Variants in DCC observed in about 807,000 individuals in gnomAD.
DCC encodes DCC netrin 1 receptor.
DCC carries 58 observed loss-of-function variants against 172.5 expected under a neutral mutation model. The ratio of observed to expected loss-of-function variants is 0.34; its 90% CI spans 0.27 to 0.42. DCC has a LOEUF of 0.42. Ranked by LOEUF, DCC falls within the 10% of genes least tolerant of loss-of-function variation. DCC has a pLI of 1.00. For synonymous variants in DCC, 709 were observed against 644.5 expected, an observed-to-expected ratio of 1.10 and a Z score of -1.52; for missense variants, 1,740 against 1,791.0, an observed-to-expected ratio of 0.97 and a Z score of 0.51.
chr18:52,667,868 G>T (rs563441645), intron 1 of DCC, among the ~76,000 whole-genome samples: 4 of 152,330 alleles, frequency 2.6e-5, no homozygotes, highest in Middle Eastern at 6.8e-3. Flanking sequence ...CTTGATAAAG[G>T]CTGGTAAGAG....
At chr18:53,027,050 C>CAT (rs1288612895) in intron 5 of DCC, among the ~76,000 whole-genome samples, 1 of 152,108 alleles carries the variant, frequency 6.6e-6, no homozygotes, top group Non-Finnish European at 1.5e-5. Flanking sequence ...AAAAATACAA[C>CAT]ATAAATGCTA....
rs1240803168 is a variant in DCC, at chr18:52,466,212, C to G, written c.91+125334C>G. Among the ~76,000 whole-genome samples the G allele has an allele frequency of 3.3e-5, 5 of 152,246 alleles. No individual in the cohort carries two copies. The East Asian group carries it at 9.7e-4, about 29-fold the overall frequency. ...CTGCTTTATAGACGTTTTGTCTGGT[C>G]TAGTTCCATGCTCCTCAAAAAGGGA... On this transcript the variant is annotated intron_variant, in intron 1 of 28. Transcript: ENST00000442544.
At chr18:53,045,068 C>T (rs188040075) in intron 5 of DCC, among the ~76,000 whole-genome samples, 2 of 151,906 alleles carry the variant, frequency 1.3e-5, no homozygotes, top group East Asian at 1.9e-4. Context: ...ATTTTAGAAG[C>T]TTCTGAGAAG....
Position 53,090,698 on chromosome 18 carries a change from C to CAAAAAAAAAAAAAAAAAAAAA in DCC, c.1261+24548_1261+24568dup, listed in dbSNP as rs59898050. On this transcript the variant is annotated intron_variant, in intron 7 of 28. Coordinates refer to ENST00000442544, the MANE Select transcript of DCC (RefSeq NM_005215.4). ...GACAGAGCGAAACTCCGTCCCCCAACAAAAAAAAAAAAAAAAAAAAAAAAA... is the reference window on the plus strand; with the variant it reads ...GACAGAGCGAAACTCCGTCCCCCAACAAAAAAAAAAAAAAAAAAAAAAAAAAAAAAAAAAAAAAAAAAAAAA... Among the ~76,000 whole-genome samples the CAAAAAAAAAAAAAAAAAAAAA allele has an allele frequency of 1.9e-3, 75 of 39,354 alleles. 5 individuals are homozygous for CAAAAAAAAAAAAAAAAAAAAA. Among genetic ancestry groups the CAAAAAAAAAAAAAAAAAAAAA allele is most frequent in the Non-Finnish European group, 2.4e-3 (43 of 18,212 alleles). The allele number at this position is 39,354 out of a possible 152,430, so 25.8% of individuals were successfully genotyped here.
intron 21 of DCC, among the ~76,000 whole-genome samples, chr18:53,426,667 G>A (rs953471209): frequency 6.6e-6 from 1 of 150,686 alleles, no homozygotes; most frequent in African/African-American, 2.4e-5. Context: ...TTGAATTTTT[G>A]GAAATTACCA....
chr18:53,068,487 A>G (rs2042606223), intron 7 of DCC, among the ~76,000 whole-genome samples: 1 of 144,382 alleles, frequency 6.9e-6, no homozygotes, highest in Non-Finnish European at 1.5e-5. Flanking sequence ...ATTGGCTGCT[A>G]CGCCAGTCAC....
intron 7 of DCC, among the ~76,000 whole-genome samples, chr18:53,066,442 T>TAA (rs2042572536): frequency 7.0e-6 from 1 of 143,016 alleles, no homozygotes; most frequent in Non-Finnish European, 1.5e-5. Flanking sequence ...TATATATATA[T>TAA]AAAATCTCCA....
rs955644521 is a variant in DCC, at chr18:53,148,529, G to C, written c.1262-8827G>C. Among the ~76,000 whole-genome samples the C allele has an allele frequency of 2.0e-5, 3 of 152,168 alleles. No homozygotes were observed. In the East Asian group the frequency reaches 5.8e-4, roughly 29 times the overall value. ...GAAGCATAACTCTCCTGTAGTTGGG[G>C]AAAGATGCCAGGAAGAGACATTGAT... On this transcript the variant is annotated intron_variant, in intron 7 of 28. Transcript: ENST00000442544.
At chr18:53,206,252 T>C (rs970673077) in intron 10 of DCC, among the ~76,000 whole-genome samples, 4 of 134,644 alleles carry the variant, frequency 3.0e-5, no homozygotes, top group Admixed American at 8.0e-5. Flanking sequence ...ATAATACATA[T>C]ATACCACATA....
At chr18:53,433,372 G>A (rs1057079179) in intron 21 of DCC, among the ~76,000 whole-genome samples, 6 of 152,126 alleles carry the variant, frequency 3.9e-5, no homozygotes, top group African/African-American at 1.4e-4. Flanking sequence ...TCATTAAAAA[G>A]ACATTTGCCA....
intron 2 of DCC, among the ~76,000 whole-genome samples, chr18:52,904,722 T>C (rs2039855924): frequency 6.6e-6 from 1 of 152,204 alleles, no homozygotes; most frequent in Non-Finnish European, 1.5e-5. Flanking sequence ...AAAATATGAT[T>C]AGTAAAACTT....
intron 1 of DCC, among the ~76,000 whole-genome samples, chr18:52,389,066 C>T (rs983163166): frequency 1.3e-5 from 2 of 152,066 alleles, no homozygotes; most frequent in East Asian, 1.9e-4. Context: ...ATCCACCCTC[C>T]CTGGAACTGC....
At chr18:53,509,432 A>G (rs751676168) in intron 27 of DCC, among the ~76,000 whole-genome samples, 23 of 152,218 alleles carry the variant, frequency 1.5e-4, no homozygotes, top group Non-Finnish European at 2.6e-4. Context: ...TCACCTGCAG[A>G]CATTATGAAA....
At chr18:53,405,997 G>C (rs900889571) in intron 19 of DCC, among the ~76,000 whole-genome samples, 5 of 152,156 alleles carry the variant, frequency 3.3e-5, no homozygotes, top group African/African-American at 9.7e-5. Flanking sequence ...TAATTCATAT[G>C]AGAAGGGACT....
chr18:53,027,642 T>C (rs891599458), intron 5 of DCC, among the ~76,000 whole-genome samples: 2 of 152,166 alleles, frequency 1.3e-5, no homozygotes, highest in Non-Finnish European at 2.9e-5. Flanking sequence ...ATGTCACTCA[T>C]AGCAGCAGTC....
intron 27 of DCC, among the ~76,000 whole-genome samples, chr18:53,510,109 G>T (rs1229934512): frequency 6.6e-6 from 1 of 152,166 alleles, no homozygotes; most frequent in Non-Finnish European, 1.5e-5. Flanking sequence ...ATGAGCTCCT[G>T]TGGGGAAATG....
intron 1 of DCC, among the ~76,000 whole-genome samples, chr18:52,405,409 G>A (rs1278609873): frequency 3.0e-5 from 4 of 133,082 alleles, no homozygotes; most frequent in Non-Finnish European, 5.2e-5. Context: ...TTCTCTGATG[G>A]CCAGTGATGA....
chr18:53,451,352 C>T (rs544050137), intron 23 of DCC, among the ~76,000 whole-genome samples: 1 of 152,332 alleles, frequency 6.6e-6, no homozygotes, highest in East Asian at 1.9e-4. Flanking sequence ...TTTATTCAGC[C>T]TATATCCTTG....
chr18:53,274,586 A>G (rs1294110186), intron 12 of DCC, among the ~76,000 whole-genome samples: 1 of 152,178 alleles, frequency 6.6e-6, no homozygotes, highest in Non-Finnish European at 1.5e-5. Context: ...AAAACTGAAC[A>G]TATCTACTCC....
Sources: gnomAD v4.1 joint callset for allele counts (sites outside exome capture counted in the v4.1 genomes callset) on GRCh38, gnomAD v4.1.1 for gene constraint, MANE v1.5 for transcripts, NCBI Gene and HGNC (gene_info 2026-07-23, HGNC 2026-07-21) for gene names.